DPYD: variants seen among roughly 807,000 people sequenced by gnomAD.
The protein encoded by DPYD is dihydropyrimidine dehydrogenase, also known as dihydropyrimidine dehydrogenase [NADP(+)].
A neutral mutation model predicts 116.2 loss-of-function variants in DPYD; 109 were observed. The observed-to-expected ratio is 0.94, with a 90% confidence interval of 0.80 to 1.10. The LOEUF is 1.10. Among genes scored for constraint, DPYD ranks in the 50% least tolerant of loss-of-function variants. The pLI is 0.00. For synonymous variants in DPYD, 440 were observed against 432.0 expected, an observed-to-expected ratio of 1.02 and a Z score of -0.23; for missense variants, 1,302 against 1,254.5, an observed-to-expected ratio of 1.04 and a Z score of -0.57.
At chr1:97,216,396 A>G (rs1201691788) in intron 19 of DPYD, among the ~76,000 whole-genome samples, 1 of 152,182 alleles carries the variant, frequency 6.6e-6, no homozygotes, top group Admixed American at 6.5e-5. Context: ...AGTTTCCCCT[A>G]AAAGCATTTT....
chr1:97,176,808 T>G (rs1657292678), intron 20 of DPYD, among the ~76,000 whole-genome samples: 1 of 150,956 alleles, frequency 6.6e-6, no homozygotes, highest in South Asian at 2.1e-4. Context: ...CAAATGACCA[T>G]ACAACAATAT....
intron 12 of DPYD, among the ~76,000 whole-genome samples, chr1:97,525,789 A>AGAGAGAGAGAGAGAGAGAGC (rs1431555133): frequency 2.8e-5 from 4 of 142,610 alleles, no homozygotes; most frequent in African/African-American, 8.0e-5. Flanking sequence ...AGAGAGAGAG[A>AGAGAGAGAGAGAGAGAGAGC]GTGTGTGTGT....
chr1:97,660,764 T>C (rs570070032), intron 8 of DPYD, among the ~76,000 whole-genome samples: 21 of 152,314 alleles, frequency 1.4e-4, no homozygotes, highest in African/African-American at 5.1e-4. Flanking sequence ...CTTAGAACTT[T>C]TTCTGTCTTC....
At chr1:97,395,260 G>T (rs1672947777) in intron 14 of DPYD, among the ~76,000 whole-genome samples, 1 of 151,114 alleles carries the variant, frequency 6.6e-6, no homozygotes, top group African/African-American at 2.4e-5. Flanking sequence ...AAAGGTAAGG[G>T]GTTCTAGATC....
At chr1:97,147,397 T>C (rs1372415496) in intron 20 of DPYD, among the ~76,000 whole-genome samples, 1 of 151,784 alleles carries the variant, frequency 6.6e-6, no homozygotes, top group Non-Finnish European at 1.5e-5. Flanking sequence ...ACTGGCAAAA[T>C]AGGTTGCAGG....
intron 13 of DPYD, among the ~76,000 whole-genome samples, chr1:97,460,009 G>A (rs879864882): frequency 2.0e-5 from 3 of 152,106 alleles, no homozygotes; most frequent in Admixed American, 6.5e-5. Context: ...GGCACAAACA[G>A]AATCAAAGGT....
rs143010799 is a variant in DPYD at position 97,643,450 on chromosome 1, G to T, written c.850+35645C>A. 1.1e-3 allele frequency among the ~76,000 whole-genome samples: 173 copies of T among 152,256 alleles called. 2 individuals are homozygous for T. In the East Asian group the frequency reaches 0.03, roughly 26 times the overall value. ...TCAGGAAACAACAGATTCTGGAGAG[G>T]ATGTGGAGAAATAGGAACACTTTTA... On this transcript the variant is annotated intron_variant, in intron 8 of 22. Coordinates refer to ENST00000370192, the MANE Select transcript of DPYD (RefSeq NM_000110.4).
chr1:97,717,236 G>A (rs1298240663), intron 5 of DPYD, among the ~76,000 whole-genome samples: 1 of 152,028 alleles, frequency 6.6e-6, no homozygotes. Flanking sequence ...AGTATATGCT[G>A]ATACGACAAG....
intron 8 of DPYD, among the ~76,000 whole-genome samples, chr1:97,611,303 C>T (rs968589151): frequency 2.0e-5 from 3 of 151,954 alleles, no homozygotes; most frequent in Non-Finnish European, 4.4e-5. Context: ...AAGACCTGCC[C>T]CCATGATTCA....
At chr1:97,104,551 G>A (rs7524812) in intron 20 of DPYD, among the ~76,000 whole-genome samples, 3 of 151,988 alleles carry the variant, frequency 2.0e-5, no homozygotes, top group Admixed American at 2.0e-4. Flanking sequence ...TGTATCTAAC[G>A]CAGGCTGAGG....
chr1:97,842,012 C>A (rs952096578), intron 2 of DPYD, among the ~76,000 whole-genome samples: 7 of 151,540 alleles, frequency 4.6e-5, no homozygotes, highest in Non-Finnish European at 1.0e-4. Flanking sequence ...TAAATAAAGA[C>A]TTCATAGATA....
intron 11 of DPYD, among the ~76,000 whole-genome samples, chr1:97,559,456 T>C (rs1162794796): frequency 6.6e-6 from 1 of 152,188 alleles, no homozygotes; most frequent in Non-Finnish European, 1.5e-5. Flanking sequence ...CATGACTAAT[T>C]ATGTATCCAT....
chr1:97,391,891 T>C (rs1672723817), intron 14 of DPYD, among the ~76,000 whole-genome samples: 2 of 152,072 alleles, frequency 1.3e-5, no homozygotes, highest in African/African-American at 4.8e-5. Flanking sequence ...ATTCTCTTGA[T>C]CATATGTCTG....
At chr1:97,720,957 C>T (rs1557907246) in intron 5 of DPYD, 2 of 1,601,718 alleles carry the variant, frequency 1.2e-6, no homozygotes, top group Non-Finnish European at 8.5e-7. Context: ...AAAGTGCTCT[C>T]ATTTTATTTC....
intron 14 of DPYD, among the ~76,000 whole-genome samples, chr1:97,424,619 T>C (rs1475413126): frequency 1.3e-5 from 2 of 152,142 alleles, no homozygotes; most frequent in Non-Finnish European, 2.9e-5. Context: ...ATAACACTCA[T>C]TATATAGTTT....
intron 3 of DPYD, among the ~76,000 whole-genome samples, chr1:97,795,613 T>C (rs2101297083): frequency 6.6e-6 from 1 of 152,096 alleles, no homozygotes; most frequent in Middle Eastern, 3.4e-3. Context: ...ACTTCACTTT[T>C]TGACATAGTG....
chr1:97,692,171 G>A (rs1454408701), intron 6 of DPYD, among the ~76,000 whole-genome samples: 2 of 151,902 alleles, frequency 1.3e-5, no homozygotes, highest in Non-Finnish European at 2.9e-5. Flanking sequence ...AATAAAGCTA[G>A]ATGGAGATAT....
At position 97,373,627 on chromosome 1, in the gene DPYD, G is replaced by A. The variant is rs1257485966; in HGVS notation, c.1992C>T (p.Ala664=). ...AKKSEDSGAD[A]LELNLSCPHG... is the part of the protein sequence containing the mutation. ...GTGGACATGATAAATTTAACTCCAG[G>A]GCATCTGCTCCAGAATCCTTTAAAC... is the stretch of plus-strand genomic sequence containing the variant. Residue 664 remains alanine, a synonymous_variant, in exon 16 of 23, where the codon GCC becomes GCT. Coordinates refer to ENST00000370192, the MANE Select transcript of DPYD (RefSeq NM_000110.4). The A allele has an allele frequency of 1.9e-6, 3 of 1,613,662 alleles. No individual in the cohort carries two copies. Among genetic ancestry groups the A allele is most frequent in the South Asian group, 1.1e-5 (1 of 91,054 alleles).
rs11165900 is a variant in DPYD at position 97,596,163 on chromosome 1, C to A, written c.851-997G>T. On this transcript the variant is annotated intron_variant, in intron 8 of 22. Coordinates refer to ENST00000370192, the MANE Select transcript of DPYD (RefSeq NM_000110.4). ...CGTATAAAAGAAAAAGACAACAGAA[C>A]GAATATTTGAGAAATATGGTATAAG... Among the ~76,000 whole-genome samples, 7 of 151,942 alleles carry A rather than the reference C, an allele frequency of 4.6e-5. No individual in the cohort carries two copies. The East Asian group carries it at 1.2e-3, about 25-fold the overall frequency.
Sources: allele counts gnomAD v4.1 joint callset (sites outside exome capture counted in the v4.1 genomes callset), GRCh38; gene constraint gnomAD v4.1.1; transcripts MANE v1.5; gene names NCBI Gene and HGNC (gene_info 2026-07-23, HGNC 2026-07-21).